The following SIM1 variants were observed in gnomAD, a reference collection of about 807,000 sequenced individuals.
The protein encoded by SIM1 is single-minded homolog 1.
Under a neutral mutation model 78.2 loss-of-function variants are expected in SIM1, and 18 were observed. The ratio of observed to expected loss-of-function variants is 0.23; its 90% CI spans 0.16 to 0.34. SIM1 has a LOEUF of 0.34. Among genes scored for constraint, SIM1 ranks in the 10% least tolerant of loss-of-function variants. SIM1 has a pLI of 1.00. For synonymous variants in SIM1, 417 were observed against 385.2 expected, an observed-to-expected ratio of 1.08 and a Z score of -0.97; for missense variants, 939 against 975.1, an observed-to-expected ratio of 0.96 and a Z score of 0.49.
intron 2 of SIM1, 153 bp downstream of exon 2, chr6:100,463,141 G>A (rs1443666709): frequency 1.6e-6 from 1 of 613,070 alleles, no homozygotes; most frequent in African/African-American, 1.8e-5. Flanking sequence ...TGAGTTCAGT[G>A]AGGACCTTAG....
chr6:100,393,612 G>C lies in SIM1; in HGVS notation c.1445C>G (p.Pro482Arg), dbSNP rs199918816. ...CCACCAGGGCTCCCTCCCGGCCTGCGGCGTTCCCAGGAAGTACCTGCCTGC... is the reference window on the plus strand; with the variant it reads ...CCACCAGGGCTCCCTCCCGGCCTGCCGCGTTCCCAGGAAGTACCTGCCTGC... ...CEAGRYFLGT[P>R]QAGREPWWGS... Residue 482 changes from proline (P) to arginine (R), a missense_variant, in exon 11 of 12, where the codon CCG becomes CGG. Physicochemically the swap from Pro to Arg is moderately radical, Grantham distance 103 (BLOSUM62 -2). Transcript: ENST00000369208. 90 of 1,614,110 alleles carry C rather than the reference G, an allele frequency of 5.6e-5. No homozygotes were observed. The highest frequency in any genetic ancestry group is 7.0e-5 in the Non-Finnish European group (83 of 1,179,938).
rs960399413 is a variant in SIM1 at position 100,463,549 on chromosome 6, T to A, written c.-81A>T. 1.5e-6 allele frequency: 2 copies of A among 1,355,190 alleles called. No homozygotes were observed. Among genetic ancestry groups the A allele is most frequent in the Non-Finnish European group, 2.0e-6 (2 of 982,580 alleles). 83.9% of individuals were successfully genotyped at this position (1,355,190 alleles called of 1,614,324 possible). On this transcript the variant is annotated 5_prime_UTR_variant, in exon 2 of 12. Coordinates refer to ENST00000369208, the MANE Select transcript of SIM1 (RefSeq NM_005068.3). ...CCAAAAATAAACTTTCAATTAGAGA[T>A]CATATTTGGCAAAAACATAAAACAT... is the stretch of plus-strand genomic sequence containing the variant.
chr6:100,458,095 G>C (rs1343034774), intron 2 of SIM1, among the ~76,000 whole-genome samples: 1 of 148,660 alleles, frequency 6.7e-6, no homozygotes, highest in African/African-American at 2.5e-5. Context: ...TCCAGCCCTC[G>C]AGTTTGGGCT....
At chr6:100,459,607 T>TGA (rs1179880415) in intron 2 of SIM1, among the ~76,000 whole-genome samples, 1 of 152,210 alleles carries the variant, frequency 6.6e-6, no homozygotes, top group Non-Finnish European at 1.5e-5. Flanking sequence ...AATCTTGAGG[T>TGA]GAATATTATA....
chr6:100,429,113 A>T (rs946163755), intron 9 of SIM1, among the ~76,000 whole-genome samples: 2 of 152,230 alleles, frequency 1.3e-5, no homozygotes, highest in Admixed American at 6.5e-5. Flanking sequence ...TCACGCCTGT[A>T]ATCCCAGCAC....
chr6:100,450,429 G>T, intron 3 of SIM1, 73 bp from the exon 4 acceptor site: 2 of 1,387,248 alleles, frequency 1.4e-6, no homozygotes, highest in Non-Finnish European at 1.0e-6. Context: ...GAGGACAGAA[G>T]TTAGTGACTT....
intron 11 of SIM1, among the ~76,000 whole-genome samples, chr6:100,391,649 C>T (rs979083187): frequency 2.6e-5 from 4 of 151,946 alleles, no homozygotes; most frequent in Non-Finnish European, 4.4e-5. Flanking sequence ...ATCTTAAGTA[C>T]GGTTACAATA....
chr6:100,447,896 T>G (rs1481214483), intron 8 of SIM1, among the ~76,000 whole-genome samples: 1 of 152,258 alleles, frequency 6.6e-6, no homozygotes, highest in Admixed American at 6.5e-5. Context: ...GTAATATACC[T>G]TCGCCGGGGG....
chr6:100,427,089 A>G (rs1771752512), intron 9 of SIM1: 1 of 152,234 alleles, frequency 6.6e-6, no homozygotes, highest in African/African-American at 2.4e-5. Context: ...TGTTACACGA[A>G]GTGTATGACC....
At chr6:100,426,785 T>G (rs554102742) in intron 9 of SIM1, among the ~76,000 whole-genome samples, 1 of 152,338 alleles carries the variant, frequency 6.6e-6, no homozygotes, top group South Asian at 2.1e-4. Flanking sequence ...TAGATTACTT[T>G]ATTTTTGCTT....
In SIM1 at chr6:100,447,109, G is replaced by A. The variant is rs139419764; in HGVS notation, c.998+159C>T. Among the ~76,000 whole-genome samples the A allele has an allele frequency of 2.1e-3, 327 of 152,362 alleles. 3 individuals carry two copies. Among genetic ancestry groups the A allele is most frequent in the Middle Eastern group, 0.014 (4 of 294 alleles). On this transcript the variant is annotated intron_variant, in intron 9 of 11. Transcript: ENST00000369208. Reference sequence around the variant, plus strand: ...AGAAAACCTCTTCAAAAAGATGAAAGTGTTCGATCTGCCTCCTCTTGGCGC... The same window carrying A: ...AGAAAACCTCTTCAAAAAGATGAAAATGTTCGATCTGCCTCCTCTTGGCGC...
At chr6:100,397,160 T>A (rs1051422120) in intron 10 of SIM1, among the ~76,000 whole-genome samples, 2 of 152,186 alleles carry the variant, frequency 1.3e-5, no homozygotes, top group Non-Finnish European at 2.9e-5. Flanking sequence ...CCTCCAAGTA[T>A]CCCGTTATGA....
At chr6:100,453,659 G>GTT (rs375390946) in intron 3 of SIM1, 103 bp downstream of exon 3, 51 of 784,092 alleles carry the variant, frequency 6.5e-5, no homozygotes, top group African/African-American at 1.1e-4. Context: ...GGGGTTGTTT[G>GTT]TTTTTTTTTT....
Position 100,387,525 on chromosome 6 carries a change from T to C in SIM1, c.*2836A>G, listed in dbSNP as rs1029246610. 6.6e-6 allele frequency: 1 copy of C among 152,030 alleles called. No homozygotes were observed. Among genetic ancestry groups the C allele is most frequent in the Non-Finnish European group, 1.5e-5 (1 of 67,924 alleles). 9.4% of individuals were successfully genotyped at this position (152,030 alleles called of 1,614,324 possible). On this transcript the variant is annotated 3_prime_UTR_variant, in exon 12 of 12. Transcript: ENST00000369208. ...GGGTCATTTTGTGATAATCATGCCA[T>C]ATTGCAAAAAATGTAAGCTATACAA...
At position 100,393,802 on chromosome 6, in the gene SIM1, G is replaced by T. The variant is rs771417312; in HGVS notation, c.1255C>A (p.Leu419Ile). Reference sequence around the variant, plus strand: ...CCAGGCCTATCGGCGGGGTCCAGAAGCTGCGGAGAGGCCGTGTCGGTCAAG... The same window carrying T: ...CCAGGCCTATCGGCGGGGTCCAGAATCTGCGGAGAGGCCGTGTCGGTCAAG... Reference protein sequence around the residue: ...SPLTDTASPQLLDPADRPGSQ... With the variant: ...SPLTDTASPQILDPADRPGSQ... The change falls in exon 11 of 12, where the codon CTT becomes ATT. Residue 419 changes from leucine (L) to isoleucine (I), a missense_variant. Transcript: ENST00000369208. 2 of 1,613,852 alleles carry T rather than the reference G, an allele frequency of 1.2e-6. No homozygotes were observed. The highest frequency in any genetic ancestry group is 2.2e-5 in the South Asian group (2 of 91,012).
rs772132314 is a variant in SIM1 at position 100,393,556 on chromosome 6, C to A, written c.1501G>T (p.Ala501Ser). 7.5e-6 allele frequency: 12 copies of A among 1,606,682 alleles called. No individual in the cohort carries two copies. The highest frequency in any genetic ancestry group is 1.3e-5 in the African/African-American group (1 of 74,828). ...TAGGCTTCTCTGCTTTCTGGGGAGG[C>A]CTTTGTCAGGGGCAAGGCTGCGCGA... Reference protein sequence around the residue: ...GSRAALPLTKASPESREAYEN... With the variant: ...GSRAALPLTKSSPESREAYEN... The change falls in exon 11 of 12, where the codon GCC becomes TCC. Residue 501 changes from alanine to serine, a missense_variant. This residue lies in a region of SIM1 where 556 missense variants were observed against 521.9 expected (regional missense o/e 1.07). Coordinates refer to ENST00000369208, the MANE Select transcript of SIM1 (RefSeq NM_005068.3).
rs552601940 is a variant in SIM1, at chr6:100,412,506, G to A, written c.1167+8284C>T. Reference sequence around the variant, plus strand: ...GAGCCGAGACAGTGCCACTGTACTCGAGGCTGGGTGACAGAGCAAGACTCT... The same window carrying A: ...GAGCCGAGACAGTGCCACTGTACTCAAGGCTGGGTGACAGAGCAAGACTCT... On this transcript the variant is annotated intron_variant, in intron 10 of 11. Coordinates refer to ENST00000369208, the MANE Select transcript of SIM1 (RefSeq NM_005068.3). Among the ~76,000 whole-genome samples the A allele has an allele frequency of 4.8e-5, 7 of 147,112 alleles. 1 individual carries two copies. In the East Asian group the frequency reaches 1.4e-3, roughly 30 times the overall value.
chr6:100,400,715 C>G (rs1284957001), intron 10 of SIM1, among the ~76,000 whole-genome samples: 1 of 152,092 alleles, frequency 6.6e-6, no homozygotes, highest in Non-Finnish European at 1.5e-5. Context: ...TTGTAACCCA[C>G]TAAATAAATC....
intron 1 of SIM1, among the ~76,000 whole-genome samples, chr6:100,464,397 C>T (rs1373345946): frequency 6.6e-6 from 1 of 152,220 alleles, no homozygotes; most frequent in Admixed American, 6.5e-5. Context: ...GACACTTACA[C>T]ACCAAGTCTC....
Sources: allele counts gnomAD v4.1 joint callset (sites outside exome capture counted in the v4.1 genomes callset), GRCh38; gene constraint gnomAD v4.1.1; regional missense constraint gnomAD v4.1.1; transcripts MANE v1.5; gene names NCBI Gene and HGNC (gene_info 2026-07-23, HGNC 2026-07-21).